Variants in LDLRAD3 observed in about 807,000 individuals in gnomAD.
LDLRAD3 encodes the protein low density lipoprotein receptor class A domain containing 3.
In LDLRAD3, 20 loss-of-function variants were observed where a neutral mutation model predicts 29.4. The observed-to-expected ratio is 0.68, with a 90% CI of 0.48 to 0.99. The LOEUF is 0.99. Ranked by LOEUF, LDLRAD3 falls within the 50% of genes least tolerant of loss-of-function variation. The probability of loss-of-function intolerance (pLI) is 0.00; values close to 1 mark genes in which losing one functional copy is unlikely to be tolerated. For synonymous variants in LDLRAD3, 157 were observed against 192.7 expected (o/e 0.81, Z 1.53); for missense variants, 420 against 454.3 (o/e 0.92, Z 0.69).
chr11:36,060,828 T>C (rs1852687423), intron 2 of LDLRAD3, among the ~76,000 whole-genome samples: 1 of 152,258 alleles, frequency 6.6e-6, no homozygotes, highest in Non-Finnish European at 1.5e-5. Flanking sequence ...TTTTGTCTAT[T>C]ACCTTTCTTT....
chr11:35,946,135 G>A (rs1243522079), intron 1 of LDLRAD3, among the ~76,000 whole-genome samples: 2 of 152,162 alleles, frequency 1.3e-5, no homozygotes, highest in African/African-American at 4.8e-5. Flanking sequence ...TTTTCCTAAT[G>A]TCAACTAGAT....
intron 4 of LDLRAD3, chr11:36,196,908 T>C (rs958770470): frequency 1.3e-5 from 2 of 152,166 alleles, no homozygotes; most frequent in African/African-American, 4.8e-5. Flanking sequence ...AGGACCTGGC[T>C]CTCTTACTGT....
At chr11:36,227,875 G>A (rs1855522420) in intron 5 of LDLRAD3, among the ~76,000 whole-genome samples, 1 of 152,196 alleles carries the variant, frequency 6.6e-6, no homozygotes. Flanking sequence ...ACATGTGAGA[G>A]GTTTGGTTAA....
In LDLRAD3 at chr11:36,080,209, C is replaced by T. The variant is rs572524211; in HGVS notation, c.194-1444C>T. 5.3e-5 allele frequency among the ~76,000 whole-genome samples: 8 copies of T among 152,286 alleles called. No individual in the cohort carries two copies. In the South Asian group the frequency reaches 1.7e-3, roughly 32 times the overall value. ...AAGACAGAAGACAAGAGGGATGCTA[C>T]ATAGGGCCTGCTACCTGGGATGTAG... On this transcript the variant is annotated intron_variant, in intron 2 of 5. Coordinates refer to ENST00000315571, the MANE Select transcript of LDLRAD3 (RefSeq NM_174902.4).
chr11:36,051,381 T>C (rs753034182), intron 2 of LDLRAD3, among the ~76,000 whole-genome samples: 38 of 152,276 alleles, frequency 2.5e-4, no homozygotes, highest in South Asian at 4.1e-4. Context: ...CAAATCATGC[T>C]CTACCTCTAC....
intron 4 of LDLRAD3, among the ~76,000 whole-genome samples, chr11:36,190,733 A>T (rs1854928375): frequency 6.6e-6 from 1 of 152,244 alleles, no homozygotes; most frequent in Non-Finnish European, 1.5e-5. Context: ...CCTAATGCTC[A>T]GATTGGTGAA....
At chr11:36,121,355 G>C (rs761878134) in intron 4 of LDLRAD3, among the ~76,000 whole-genome samples, 2 of 152,018 alleles carry the variant, frequency 1.3e-5, no homozygotes, top group African/African-American at 4.8e-5. Context: ...GGAGAGAGGT[G>C]GGGTGGTGGA....
At chr11:36,197,397 C>T (rs16928513) in intron 4 of LDLRAD3, 12,278 of 152,172 alleles carry the variant, frequency 0.081, 542 homozygotes, top group East Asian at 0.19. Context: ...GCATCACAGT[C>T]GCAAGCATGG....
At chr11:35,965,557 C>T (rs970675080) in intron 1 of LDLRAD3, among the ~76,000 whole-genome samples, 2 of 152,154 alleles carry the variant, frequency 1.3e-5, no homozygotes, top group South Asian at 4.2e-4. Flanking sequence ...TTTTCTAAAG[C>T]AGGAAGTCCT....
chr11:36,189,727 C>A (rs867045406), intron 4 of LDLRAD3, among the ~76,000 whole-genome samples: 2 of 152,096 alleles, frequency 1.3e-5, no homozygotes, highest in East Asian at 3.9e-4. Context: ...TTCCCTCCCC[C>A]CTTCCCCCAC....
intron 4 of LDLRAD3, among the ~76,000 whole-genome samples, chr11:36,215,136 C>T (rs751836432): frequency 2.0e-5 from 3 of 152,126 alleles, no homozygotes; most frequent in Non-Finnish European, 2.9e-5. Flanking sequence ...GCTAAGCAGA[C>T]GGCAAGGGCC....
At chr11:36,156,895 C>A (rs1402281471) in intron 4 of LDLRAD3, among the ~76,000 whole-genome samples, 1 of 152,190 alleles carries the variant, frequency 6.6e-6, no homozygotes, top group Non-Finnish European at 1.5e-5. Context: ...GTGTGTATGT[C>A]AGTCACTGCC....
intron 4 of LDLRAD3, among the ~76,000 whole-genome samples, chr11:36,202,082 T>G (rs1855135210): frequency 6.7e-6 from 1 of 148,208 alleles, no homozygotes; most frequent in South Asian, 2.1e-4. Flanking sequence ...TTCACTCTTC[T>G]CGCCTAGGCT....
intron 2 of LDLRAD3, among the ~76,000 whole-genome samples, chr11:36,038,877 C>T (rs1250633539): frequency 1.3e-5 from 2 of 151,994 alleles, no homozygotes; most frequent in Non-Finnish European, 2.9e-5. Flanking sequence ...GTCTTTAAAT[C>T]GTGAAAACAG....
intron 2 of LDLRAD3, among the ~76,000 whole-genome samples, chr11:36,055,580 C>T (rs1051264049): frequency 6.6e-6 from 1 of 152,234 alleles, no homozygotes; most frequent in Non-Finnish European, 1.5e-5. Context: ...ATGGCACTAT[C>T]GGCCCAGAAG....
At chr11:35,950,845 G>A (rs553489535) in intron 1 of LDLRAD3, among the ~76,000 whole-genome samples, 13 of 152,166 alleles carry the variant, frequency 8.5e-5, no homozygotes, top group Non-Finnish European at 1.6e-4. Flanking sequence ...GCACTTTGGG[G>A]GGCCGAGGTG....
chr11:36,091,373 G>T (rs1853277572), intron 3 of LDLRAD3, among the ~76,000 whole-genome samples: 1 of 152,194 alleles, frequency 6.6e-6, no homozygotes, highest in Non-Finnish European at 1.5e-5. Flanking sequence ...CTTGAAGCAG[G>T]TCAGTTGCTT....
intron 1 of LDLRAD3, among the ~76,000 whole-genome samples, chr11:35,999,846 C>T (rs1340317968): frequency 2.0e-5 from 3 of 152,162 alleles, no homozygotes; most frequent in Non-Finnish European, 2.9e-5. Context: ...TAGTAATATC[C>T]AGGCAGGGTG....
At chr11:36,153,734 G>A (rs1476573972) in intron 4 of LDLRAD3, among the ~76,000 whole-genome samples, 1 of 152,124 alleles carries the variant, frequency 6.6e-6, no homozygotes, top group Non-Finnish European at 1.5e-5. Flanking sequence ...GGAGAAGGGA[G>A]GAATGCAGCT....
Sources: allele counts gnomAD v4.1 joint callset (sites outside exome capture counted in the v4.1 genomes callset), GRCh38; gene constraint gnomAD v4.1.1; transcripts MANE v1.5; gene names NCBI Gene and HGNC (gene_info 2026-07-23, HGNC 2026-07-21).